The following IGF2BP1 variants were observed in gnomAD, a reference collection of about 807,000 sequenced individuals.
IGF2BP1 encodes the protein insulin-like growth factor 2 mRNA-binding protein 1.
In IGF2BP1, 11 loss-of-function variants were observed where a neutral mutation model predicts 74.9. That is an observed-to-expected ratio of 0.15 (90% CI 0.09 to 0.24). The LOEUF is 0.24. Ranked by LOEUF, IGF2BP1 falls within the 10% of genes least tolerant of loss-of-function variation. The probability of loss-of-function intolerance (pLI) is 1.00; values close to 1 mark genes in which losing one functional copy is unlikely to be tolerated. For synonymous variants in IGF2BP1, 287 were observed against 281.8 expected, an observed-to-expected ratio of 1.02 and a Z score of -0.18; for missense variants, 440 against 757.4, an observed-to-expected ratio of 0.58 and a Z score of 4.92.
At chr17:49,039,630 C>CTGGTCTCACCAGTT (rs1212989169) in intron 6 of IGF2BP1, among the ~76,000 whole-genome samples, 4 of 151,750 alleles carry the variant, frequency 2.6e-5, no homozygotes, top group Admixed American at 6.6e-5. Flanking sequence ...TTTCACCATG[C>CTGGTCTCACCAGTT]TGGCCAGGCT....
At chr17:49,028,041 C>T (rs548681681) in intron 4 of IGF2BP1, among the ~76,000 whole-genome samples, 1 of 151,480 alleles carries the variant, frequency 6.6e-6, no homozygotes, top group South Asian at 2.1e-4. Context: ...TACATGCCTG[C>T]AGTCCCAGTC....
Position 49,049,395 on chromosome 17 carries a change from A to C in IGF2BP1, c.1685A>C (p.Gln562Pro). The C allele has an allele frequency of 3.7e-6, 6 of 1,614,210 alleles. No homozygotes were observed. The highest frequency in any genetic ancestry group is 5.1e-6 in the Non-Finnish European group (6 of 1,180,026). The stretch of plus-strand genomic sequence containing the variant: ...CGAGACATCCTGGCCCAGGTTAAGC[A>C]GCAGCATCAGAAGGGACAGAGTAAC... Reference protein sequence around the residue: ...KIRDILAQVKQQHQKGQSNQA... With the variant: ...KIRDILAQVKPQHQKGQSNQA... Residue 562 changes from glutamine to proline, a missense_variant, in exon 15 of 15, where the codon CAG (glutamine) becomes CCG (proline). By Grantham distance (76) the Gln-to-Pro change is moderately conservative. Around this residue, in one of 5 missense-constraint regions of IGF2BP1, gnomAD observed 117 missense variants for 237.2 expected, o/e 0.49. Coordinates refer to ENST00000290341, the MANE Select transcript of IGF2BP1 (RefSeq NM_006546.4).
intron 1 of IGF2BP1, among the ~76,000 whole-genome samples, chr17:48,998,192 G>A (rs961486702): frequency 3.9e-5 from 6 of 152,146 alleles, no homozygotes; most frequent in Non-Finnish European, 8.8e-5. Flanking sequence ...CACCGACGGG[G>A]CGGGAGCCCC....
At chr17:49,034,744 AC>A (rs1215391683) in intron 5 of IGF2BP1, among the ~76,000 whole-genome samples, 5,280 of 128,926 alleles carry the variant, frequency 0.041, 135 homozygotes, top group African/African-American at 0.074. Context: ...CTCAAAAAAA[AC>A]ACAAAAAAAA....
At chr17:49,033,276 G>A (rs2041946001) in intron 5 of IGF2BP1, among the ~76,000 whole-genome samples, 2 of 152,064 alleles carry the variant, frequency 1.3e-5, no homozygotes, top group African/African-American at 4.8e-5. Context: ...AGCCTCCTGA[G>A]TAGCTGGGAC....
At chr17:49,048,256 CTTT>C (rs1006855451) in intron 14 of IGF2BP1, among the ~76,000 whole-genome samples, 1 of 142,270 alleles carries the variant, frequency 7.0e-6, no homozygotes. Context: ...TTTATTTTTA[CTTT>C]TTTTTTTTTT....
chr17:49,010,628 C>T lies in IGF2BP1; in HGVS notation c.236+11459C>T, dbSNP rs569278148. On this transcript the variant is annotated intron_variant, in intron 2 of 14. Transcript: ENST00000290341. ...GAAAATGGAAGCCTTTGTGTGTCCC[C>T]TTTCCTGCATTAAATACTGATTATT... Among the ~76,000 whole-genome samples the T allele has an allele frequency of 4.6e-5, 7 of 152,252 alleles. No individual in the cohort carries two copies. In the East Asian group the frequency reaches 1.2e-3, roughly 25 times the overall value.
intron 1 of IGF2BP1, among the ~76,000 whole-genome samples, chr17:48,998,797 A>G (rs1025511460): frequency 1.3e-5 from 2 of 152,196 alleles, no homozygotes; most frequent in Non-Finnish European, 1.5e-5. Context: ...CACATCTGGG[A>G]GCTGTGTAGG....
rs1405023279 is a variant in IGF2BP1 at position 49,052,082 on chromosome 17, T to A, written c.*2638T>A. 1 of 152,034 alleles carries A rather than the reference T, an allele frequency of 6.6e-6. No individual in the cohort carries two copies. The highest frequency in any genetic ancestry group is 2.4e-5 in the African/African-American group (1 of 41,378). 9.4% of individuals were successfully genotyped at this position (152,034 alleles called of 1,614,324 possible). A position where few individuals can be genotyped will look rare whatever the true frequency, so the allele number is the denominator to read the frequency against. ...CTGGGACAGGTTCCTGCCTTATCAT[T>A]TTCTCCCTAGGACATTCCCTTGTAG... On this transcript the variant is annotated 3_prime_UTR_variant, in exon 15 of 15. Coordinates refer to ENST00000290341, the MANE Select transcript of IGF2BP1 (RefSeq NM_006546.4).
chr17:48,999,618 C>T (rs1027432440), intron 2 of IGF2BP1, among the ~76,000 whole-genome samples: 6 of 152,156 alleles, frequency 3.9e-5, no homozygotes, highest in Non-Finnish European at 7.4e-5. Flanking sequence ...TCTCCCGAAG[C>T]GATGTGGAAT....
chr17:49,017,777 G>A (rs186854127), intron 2 of IGF2BP1: 1 of 151,012 alleles, frequency 6.6e-6, no homozygotes, highest in Non-Finnish European at 1.5e-5. Flanking sequence ...CCTGGCTAAT[G>A]TTTTGTATTT....
At chr17:49,006,958 T>C (rs2041557693) in intron 2 of IGF2BP1, among the ~76,000 whole-genome samples, 1 of 152,208 alleles carries the variant, frequency 6.6e-6, no homozygotes, top group Non-Finnish European at 1.5e-5. Context: ...TATTCTGTTA[T>C]CGTTTATGCC....
At chr17:49,038,554 T>C (rs1399044789) in intron 6 of IGF2BP1, 105 bp downstream of exon 6, 1 of 1,175,348 alleles carries the variant, frequency 8.5e-7, no homozygotes, top group Non-Finnish European at 1.1e-6. Context: ...ATTTACCTTT[T>C]AGGAAATGTT....
In IGF2BP1 at chr17:49,045,875, A is replaced by G. The variant is rs767115089; in HGVS notation, c.1396-15A>G. ...ATATATGAACCACTGATTAACAATT[A>G]CCTCCTCTTCTCAGGCTCAGGGAAG... is the stretch of plus-strand genomic sequence containing the variant. On this transcript the variant is annotated splice_polypyrimidine_tract_variant and intron_variant, in intron 12 of 14. Coordinates refer to ENST00000290341, the MANE Select transcript of IGF2BP1 (RefSeq NM_006546.4). The G allele has an allele frequency of 1.9e-6, 3 of 1,611,984 alleles. No homozygotes were observed. In the South Asian group the frequency reaches 3.3e-5, roughly 18 times the overall value.
chr17:48,997,760 C>T lies in IGF2BP1; in HGVS notation c.15C>T (p.Tyr5=), dbSNP rs2041425776. The change falls in exon 1 of 15, where the codon TAC becomes TAT. Residue 5 remains tyrosine, a synonymous_variant. Coordinates refer to ENST00000290341, the MANE Select transcript of IGF2BP1 (RefSeq NM_006546.4). This position sits in a 1 kb window ranked among gnomAD's most constrained non-coding sequence, Gnocchi z 4.8. The part of the protein sequence containing the change: MNKL[Y]IGNLNESVTP... ...AGACCGCCACCATGAACAAGCTTTA[C>T]ATCGGCAACCTCAACGAGAGCGTGA... 6.2e-7 allele frequency: 1 copy of T among 1,613,922 alleles called. No homozygotes were observed.
intron 6 of IGF2BP1, 94 bp downstream of exon 6, chr17:49,038,543 C>A: frequency 8.0e-7 from 1 of 1,251,450 alleles, no homozygotes; most frequent in Non-Finnish European, 1.0e-6. Context: ...GAGACATCAA[C>A]ATTTACCTTT....
intron 2 of IGF2BP1, among the ~76,000 whole-genome samples, chr17:49,002,322 A>G (rs1039898144): frequency 6.6e-6 from 1 of 152,180 alleles, no homozygotes; most frequent in African/African-American, 2.4e-5. Context: ...GGCAAAAAAT[A>G]TTTTAAATAT....
chr17:49,041,221 A>G (rs1197213289), intron 7 of IGF2BP1, among the ~76,000 whole-genome samples, 157 bp from the exon 8 acceptor site: 2 of 152,220 alleles, frequency 1.3e-5, no homozygotes, highest in South Asian at 2.1e-4. Flanking sequence ...CAATTGATGT[A>G]TAATAAATCA....
At chr17:49,026,595 G>C (rs2041856841) in intron 4 of IGF2BP1, 78 bp downstream of exon 4, 1 of 1,289,446 alleles carries the variant, frequency 7.8e-7, no homozygotes, top group Non-Finnish European at 1.1e-6. Flanking sequence ...GCTTCACTTT[G>C]TTTCTTTCTT....
Sources: allele counts gnomAD v4.1 joint callset (sites outside exome capture counted in the v4.1 genomes callset), GRCh38; gene constraint gnomAD v4.1.1; regional missense constraint gnomAD v4.1.1; non-coding constraint Gnocchi (gnomAD v3.1); transcripts MANE v1.5; gene names NCBI Gene and HGNC (gene_info 2026-07-23, HGNC 2026-07-21).